Variants in EIF4E2 observed in about 807,000 individuals in gnomAD.
The protein encoded by EIF4E2 is eukaryotic translation initiation factor 4E type 2.
In EIF4E2, 13 loss-of-function variants were observed where a neutral mutation model predicts 34.2. The observed-to-expected ratio is 0.38, with a 90% CI of 0.25 to 0.60. The LOEUF is 0.60. EIF4E2 is among the 20% of genes least tolerant of loss of function. The pLI, the probability that EIF4E2 is intolerant of heterozygous loss-of-function variation, is 0.62. For synonymous variants in EIF4E2, 100 were observed against 106.6 expected, an observed-to-expected ratio of 0.94 and a Z score of 0.38; for missense variants, 222 against 315.1, an observed-to-expected ratio of 0.70 and a Z score of 2.24.
intron 3 of EIF4E2, among the ~76,000 whole-genome samples, chr2:232,559,824 TAAAAAA>T (rs576233672): frequency 1.7e-5 from 2 of 115,482 alleles, no homozygotes; most frequent in African/African-American, 3.7e-5. Context: ...ACGGGAGCAT[TAAAAAA>T]AAAAAAAAAA....
intron 3 of EIF4E2, chr2:232,558,615 GT>G (rs200969344): frequency 3.5e-4 from 45 of 130,056 alleles, no homozygotes; most frequent in African/African-American, 1.4e-3. Context: ...TTGTTTGCTT[GT>G]TTGTTTTTTT....
At chr2:232,564,930 A>G (rs749674650) in intron 4 of EIF4E2, among the ~76,000 whole-genome samples, 1 of 152,220 alleles carries the variant, frequency 6.6e-6, no homozygotes, top group South Asian at 2.1e-4. Context: ...TTTTGTTTTC[A>G]GTTACCTTTA....
chr2:232,563,674 AC>A (rs1169287552), intron 3 of EIF4E2, among the ~76,000 whole-genome samples: 1 of 152,116 alleles, frequency 6.6e-6, no homozygotes, highest in Non-Finnish European at 1.5e-5. Flanking sequence ...TCTATCACTT[AC>A]GCTTAGTAAC....
intron 3 of EIF4E2, 29 bp from the exon 4 acceptor site, chr2:232,564,218 T>G: frequency 6.7e-7 from 1 of 1,494,038 alleles, no homozygotes; most frequent in Non-Finnish European, 9.1e-7. Context: ...AAGACACATG[T>G]TTTTTACTCT....
At chr2:232,567,598 T>A (rs182345410) in intron 6 of EIF4E2, 108 of 1,160,360 alleles carry the variant, frequency 9.3e-5, no homozygotes, top group Non-Finnish European at 1.1e-4. Context: ...TCTGCATGTC[T>A]TTTTAACTTG....
chr2:232,552,013 A>G (rs944328739), intron 1 of EIF4E2, among the ~76,000 whole-genome samples: 1 of 152,070 alleles, frequency 6.6e-6, no homozygotes, highest in African/African-American at 2.4e-5. Context: ...TGCAACAACT[A>G]GCTCCAGATC....
intron 6 of EIF4E2, among the ~76,000 whole-genome samples, chr2:232,579,167 C>CACACACACA (rs1693288497): frequency 1.4e-5 from 2 of 142,034 alleles, no homozygotes; most frequent in Non-Finnish European, 3.1e-5. Context: ...CACACACACA[C>CACACACACA]CAGTTATGCT....
At chr2:232,555,480 ACT>A (rs1253085168) in intron 1 of EIF4E2, among the ~76,000 whole-genome samples, 2 of 152,034 alleles carry the variant, frequency 1.3e-5, no homozygotes, top group African/African-American at 4.8e-5. Flanking sequence ...AGTTCGTTTG[ACT>A]CTGTGCTTAT....
chr2:232,567,668 T>C (rs1160940870), intron 6 of EIF4E2: 1 of 1,027,540 alleles, frequency 9.7e-7, no homozygotes, highest in Non-Finnish European at 1.2e-6. Context: ...AATGACTCCA[T>C]TTCCTTGTGT....
intron 4 of EIF4E2, among the ~76,000 whole-genome samples, chr2:232,565,309 GC>G (rs2106246711): frequency 6.6e-6 from 1 of 152,282 alleles, no homozygotes; most frequent in Non-Finnish European, 1.5e-5. Flanking sequence ...CCCTTCAGCT[GC>G]TTTTCCTGAC....
chr2:232,582,801 T>TGTG (rs1553588453), exon 7 of EIF4E2: 12 of 151,952 alleles, frequency 7.9e-5, no homozygotes, highest in African/African-American at 2.7e-4. Context: ...TGTCCATAGT[T>TGTG]TTGTTGTTGT....
At chr2:232,571,394 C>A (rs938067743), downstream of EIF4E2, among the ~76,000 whole-genome samples, 1 of 152,222 alleles carries the variant, frequency 6.6e-6, no homozygotes, top group African/African-American at 2.4e-5. Context: ...TCCCCATATT[C>A]TCTGCTTTGA....
intron 1 of EIF4E2, among the ~76,000 whole-genome samples, chr2:232,552,918 C>T (rs534016826): frequency 1.1e-4 from 17 of 152,188 alleles, no homozygotes; most frequent in African/African-American, 4.1e-4. Context: ...GTGTTTAGGC[C>T]ATTGCTGCAT....
chr2:232,556,668 C>T lies in EIF4E2; in HGVS notation c.135+138C>T. The T allele has an allele frequency of 4.6e-6, 3 of 656,610 alleles. No homozygotes were observed. In the South Asian group the frequency reaches 5.6e-5, roughly 12 times the overall value. The allele number at this position is 656,610 out of a possible 1,614,324, so 40.7% of individuals were successfully genotyped here. On this transcript the variant is annotated intron_variant, in intron 2 of 6. Transcript: ENST00000258416. ...ATATCTGACTTTGTTCTCAGAAAAA[C>T]ATTGTGCAATCATTGATGTTCATTT...
At chr2:232,563,383 C>CTT (rs77718119) in intron 3 of EIF4E2, among the ~76,000 whole-genome samples, 11 of 147,642 alleles carry the variant, frequency 7.5e-5, no homozygotes, top group South Asian at 2.2e-4. Flanking sequence ...GACCCTGTCT[C>CTT]TTTTTTTTTT....
At chr2:232,561,290 A>G (rs1692715686) in intron 3 of EIF4E2, among the ~76,000 whole-genome samples, 1 of 151,806 alleles carries the variant, frequency 6.6e-6, no homozygotes, top group South Asian at 2.1e-4. Context: ...TTTTGGAGTA[A>G]TTATGCATAC....
In EIF4E2 at chr2:232,557,937, G is replaced by T. The variant is rs919552473; in HGVS notation, c.189G>T (p.Trp63Cys). 2 of 1,613,870 alleles carry T rather than the reference G, an allele frequency of 1.2e-6. No homozygotes were observed. The highest frequency in any genetic ancestry group is 2.7e-5 in the African/African-American group (2 of 74,842). ...EHPLQYNYTF[W>C]YSRRTPGRPT... Reference sequence around the variant, plus strand: ...CCCTGCAGTACAACTACACTTTTTGGTACTCCAGGAGAACCCCCGGCCGTC... The same window carrying T: ...CCCTGCAGTACAACTACACTTTTTGTTACTCCAGGAGAACCCCCGGCCGTC... The change falls in exon 3 of 7, where the codon TGG (tryptophan) becomes TGT (cysteine). Residue 63 changes from tryptophan (W) to cysteine (C), a missense_variant. By Grantham distance (215) the Trp-to-Cys change is radical. Around this residue, in one of 3 missense-constraint regions of EIF4E2, gnomAD observed 87 missense variants for 93.6 expected, o/e 0.93. Coordinates refer to ENST00000258416, the MANE Select transcript of EIF4E2 (RefSeq NM_004846.4).
chr2:232,554,306 A>C (rs1219185842), intron 1 of EIF4E2, among the ~76,000 whole-genome samples: 1 of 152,208 alleles, frequency 6.6e-6, no homozygotes, highest in Non-Finnish European at 1.5e-5. Flanking sequence ...AGCATAACAG[A>C]AGGATAAAAT....
rs918802292 is a variant in EIF4E2 at position 232,557,718 on chromosome 2, G to A, written c.136-166G>A. On this transcript the variant is annotated intron_variant, in intron 2 of 6. Coordinates refer to ENST00000258416, the MANE Select transcript of EIF4E2 (RefSeq NM_004846.4). ...AGGAATTTAGAATCAGTTAACCACT[G>A]AGGAAATGTACTGTGTAAGCAGAAT... The A allele has an allele frequency of 3.9e-6, 3 of 760,220 alleles. No individual in the cohort carries two copies. In the African/African-American group the frequency reaches 5.3e-5, roughly 13 times the overall value. 47.1% of individuals were successfully genotyped at this position (760,220 alleles called of 1,614,324 possible).
Sources: gnomAD v4.1 joint callset for allele counts (sites outside exome capture counted in the v4.1 genomes callset) on GRCh38, gnomAD v4.1.1 for gene constraint, gnomAD v4.1.1 regional missense constraint, MANE v1.5 for transcripts, NCBI Gene and HGNC (gene_info 2026-07-23, HGNC 2026-07-21) for gene names.